Variants in TADA3 observed in about 807,000 individuals in gnomAD.
The protein encoded by TADA3 is transcriptional adapter 3.
In TADA3, 25 loss-of-function variants were observed where a neutral mutation model predicts 43.2. The ratio of observed to expected loss-of-function variants is 0.58; its 90% confidence interval spans 0.42 to 0.81. TADA3 has a LOEUF of 0.81. TADA3 is among the 30% of genes least tolerant of loss of function. TADA3 has a pLI of 0.00. For missense variants in TADA3, 441 were observed against 567.8 expected (o/e 0.78, Z 2.27); for synonymous variants, 235 against 225.5 (o/e 1.04, Z -0.38).
intron 8 of TADA3, 107 bp from the exon 9 acceptor site, chr3:9,780,656 G>T: frequency 8.3e-7 from 1 of 1,201,352 alleles, no homozygotes; most frequent in Non-Finnish European, 1.1e-6. Flanking sequence ...CATGCCTGTG[G>T]ATTGTGTCAT....
intron 8 of TADA3, among the ~76,000 whole-genome samples, chr3:9,781,110 A>G (rs974334144): frequency 2.6e-5 from 4 of 152,094 alleles, no homozygotes; most frequent in Non-Finnish European, 5.9e-5. Context: ...AGTCTGGGCA[A>G]CAGAGCGTGA....
At chr3:9,782,615 T>TA (rs2125617451) in intron 8 of TADA3, among the ~76,000 whole-genome samples, 1 of 152,202 alleles carries the variant, frequency 6.6e-6, no homozygotes, top group East Asian at 1.9e-4. Context: ...GCACAATATC[T>TA]AAGAGACAGT....
intron 4 of TADA3, 174 bp from the exon 5 acceptor site, chr3:9,787,514 A>G (rs2078644207): frequency 9.6e-7 from 1 of 1,038,578 alleles, no homozygotes; most frequent in Non-Finnish European, 1.4e-6. Context: ...TTCACACTCT[A>G]GTAAGGGAGA....
intron 4 of TADA3, 72 bp from the exon 5 acceptor site, chr3:9,787,412 T>C (rs1304061464): frequency 1.3e-6 from 2 of 1,527,198 alleles, no homozygotes; most frequent in African/African-American, 2.8e-5. Context: ...TTCATTCACT[T>C]ACCTATCTTA....
chr3:9,791,448 A>G lies in TADA3; in HGVS notation c.19T>C (p.Cys7Arg). Residue 7 changes from cysteine (C) to arginine (R), a missense_variant, in exon 2 of 9, where the codon TGC (cysteine) becomes CGC (arginine). By Grantham distance (180) the Cys-to-Arg change is radical. Coordinates refer to ENST00000301964, the MANE Select transcript of TADA3 (RefSeq NM_006354.5). MSELKD[C>R]PLQFHDFKSV... is the part of the protein sequence containing the mutation. Reference sequence around the variant, plus strand: ...TTGAAGTCGTGGAACTGCAAGGGGCAGTCTTTCAACTCACTCATGGCCCAG... The same window carrying G: ...TTGAAGTCGTGGAACTGCAAGGGGCGGTCTTTCAACTCACTCATGGCCCAG... 6.2e-7 allele frequency: 1 copy of G among 1,612,532 alleles called. No individual in the cohort carries two copies. The highest frequency in any genetic ancestry group is 8.5e-7 in the Non-Finnish European group (1 of 1,178,866).
upstream of TADA3, chr3:9,792,599 T>G: frequency 8.1e-7 from 1 of 1,228,676 alleles, no homozygotes; most frequent in Non-Finnish European, 1.0e-6. Flanking sequence ...GGGGTGCGGG[T>G]GGTCGGCCTC....
intron 6 of TADA3, 71 bp downstream of exon 6, chr3:9,786,935 C>T (rs544516948): frequency 1.0e-4 from 143 of 1,388,446 alleles, no homozygotes; most frequent in Non-Finnish European, 1.3e-4. Context: ...TGATAAATTC[C>T]GATAAAAAAT....
intron 8 of TADA3, among the ~76,000 whole-genome samples, chr3:9,782,087 C>T (rs1254819634): frequency 6.6e-6 from 1 of 152,140 alleles, no homozygotes; most frequent in African/African-American, 2.4e-5. Flanking sequence ...AGCCTCCCAC[C>T]TCAGTCTCCC....
intron 6 of TADA3, 36 bp from the exon 7 acceptor site, chr3:9,785,461 G>A (rs1233424700): frequency 7.0e-7 from 1 of 1,430,604 alleles, no homozygotes; most frequent in East Asian, 2.3e-5. Flanking sequence ...AGGAAAAATA[G>A]CTGTTCCACT....
intron 8 of TADA3, 72 bp from the exon 9 acceptor site, chr3:9,780,621 G>A (rs747333633): frequency 2.2e-4 from 330 of 1,471,420 alleles, no homozygotes; most frequent in African/African-American, 4.1e-4. Flanking sequence ...CTTCAAGACC[G>A]AGCCTACCCA....
chr3:9,783,329 T>G (rs1422970500), intron 8 of TADA3: 2 of 152,054 alleles, frequency 1.3e-5, no homozygotes, highest in Non-Finnish European at 2.9e-5. Flanking sequence ...TTTTTTCTTT[T>G]TTTTTTTGAG....
Position 9,786,900 on chromosome 3 carries a change from T to C in TADA3, c.810+106A>G, listed in dbSNP as rs577348424. The C allele has an allele frequency of 9.9e-5, 106 of 1,073,952 alleles. 2 individuals are homozygous for C. In the African/African-American group the frequency reaches 1.5e-3, roughly 16 times the overall value. The allele number at this position is 1,073,952 out of a possible 1,614,324, so 66.5% of individuals were successfully genotyped here. A position where few individuals can be genotyped will look rare whatever the true frequency, so the allele number is the denominator to read the frequency against. On this transcript the variant is annotated intron_variant, in intron 6 of 8. Coordinates refer to ENST00000301964, the MANE Select transcript of TADA3 (RefSeq NM_006354.5). ...AGGTTTTTACTTTTGCACCAACCTA[T>C]TTTTGCACCAACCTAATAAATGTAT...
chr3:9,793,004 T>C (rs2078780649), upstream of TADA3: 29 of 1,513,032 alleles, frequency 1.9e-5, no homozygotes, highest in Non-Finnish European at 2.4e-5. Flanking sequence ...GCTCGGAGCA[T>C]AGATGGTACC....
intron 8 of TADA3, 95 bp from the exon 9 acceptor site, chr3:9,780,644 GGCATGCC>G: frequency 7.6e-7 from 1 of 1,323,108 alleles, no homozygotes. Flanking sequence ...AGCCCAGGCT[GGCATGCC>G]TGTGGATTGT....
At chr3:9,783,238 CAAA>C (rs905492730) in intron 8 of TADA3, 1 of 151,058 alleles carries the variant, frequency 6.6e-6, no homozygotes, top group Non-Finnish European at 1.5e-5. Context: ...CATGAAAAGA[CAAA>C]AAATAAATCA....
At chr3:9,780,871 G>A (rs2125614080) in intron 8 of TADA3, among the ~76,000 whole-genome samples, 1 of 152,282 alleles carries the variant, frequency 6.6e-6, no homozygotes, top group South Asian at 2.1e-4. Flanking sequence ...GCACATGGGG[G>A]TTCACATCTG....
intron 8 of TADA3, chr3:9,781,456 G>T: frequency 2.2e-6 from 1 of 447,900 alleles, no homozygotes; most frequent in Admixed American, 2.4e-5. Context: ...AGTTAGTGAG[G>T]GGGAGATCTG....
chr3:9,780,929 A>G (rs2078445297), intron 8 of TADA3, among the ~76,000 whole-genome samples: 1 of 152,186 alleles, frequency 6.6e-6, no homozygotes, highest in African/African-American at 2.4e-5. Flanking sequence ...ACTTGAGCCC[A>G]GGAGTTCGAG....
upstream of TADA3, chr3:9,792,655 G>T (rs1305619719): frequency 1.6e-6 from 2 of 1,231,342 alleles, no homozygotes; most frequent in Middle Eastern, 3.1e-4. Flanking sequence ...GGAGCTTGGC[G>T]GCCGAGATCT....
Sources: allele counts gnomAD v4.1 joint callset (sites outside exome capture counted in the v4.1 genomes callset), GRCh38; gene constraint gnomAD v4.1.1; transcripts MANE v1.5; gene names NCBI Gene and HGNC (gene_info 2026-07-23, HGNC 2026-07-21).